The following AGMO variants were observed in gnomAD, a reference collection of about 807,000 sequenced individuals.
AGMO encodes alkylglycerol monooxygenase.
A neutral mutation model predicts 60.2 loss-of-function variants in AGMO; 75 were observed. That is an observed-to-expected ratio of 1.25 (90% CI 1.03 to 1.51). The LOEUF is 1.51. Among genes scored for constraint, AGMO ranks in the 40% most tolerant of loss-of-function variants. The pLI is 0.00. For missense variants in AGMO, 763 were observed against 525.5 expected (o/e 1.45, Z -4.42); for synonymous variants, 261 against 177.1 (o/e 1.47, Z -3.76).
intron 12 of AGMO, among the ~76,000 whole-genome samples, chr7:15,312,145 CA>C (rs903429050): frequency 7.7e-4 from 117 of 151,848 alleles, no homozygotes; most frequent in African/African-American, 2.8e-3. Context: ...GAAAGTCTAA[CA>C]AACATGTAAT....
At chr7:15,157,275 A>G in the AGMO span, among the ~76,000 whole-genome samples, 3 of 152,186 alleles carry the variant, frequency 2.0e-5, no homozygotes, top group East Asian at 5.8e-4. Flanking sequence ...GGAGGGTAAG[A>G]TACCTTCCCA....
the AGMO span, among the ~76,000 whole-genome samples, chr7:15,122,499 C>T: frequency 6.6e-6 from 1 of 152,096 alleles, no homozygotes; most frequent in African/African-American, 2.4e-5. Flanking sequence ...ATAAACATCT[C>T]TACCTGTTAT....
chr7:15,313,070 T>C (rs1266149686), intron 12 of AGMO, among the ~76,000 whole-genome samples: 3 of 152,310 alleles, frequency 2.0e-5, no homozygotes, highest in East Asian at 1.9e-4. Flanking sequence ...ATACAATACA[T>C]GGACATATCT....
intron 12 of AGMO, among the ~76,000 whole-genome samples, chr7:15,342,406 C>G (rs1335187963): frequency 1.3e-5 from 2 of 151,872 alleles, no homozygotes; most frequent in African/African-American, 4.8e-5. Flanking sequence ...TCTTCTCTAC[C>G]TAAGCAAAGT....
chr7:15,381,165 A>C (rs1360526071), intron 10 of AGMO, among the ~76,000 whole-genome samples: 3 of 152,168 alleles, frequency 2.0e-5, no homozygotes, highest in East Asian at 1.9e-4. Context: ...CAACAAAACC[A>C]AAAATTAACA....
intron 10 of AGMO, among the ~76,000 whole-genome samples, chr7:15,377,653 C>T (rs572347425): frequency 6.6e-6 from 1 of 152,110 alleles, no homozygotes; most frequent in South Asian, 2.1e-4. Flanking sequence ...GAACTGTACT[C>T]AACATTGGTT....
chr7:15,460,695 T>C (rs975522506), intron 3 of AGMO, among the ~76,000 whole-genome samples: 2 of 152,084 alleles, frequency 1.3e-5, no homozygotes, highest in African/African-American at 4.8e-5. Context: ...GATTTTAAAA[T>C]AAGGCATTAG....
the AGMO span, among the ~76,000 whole-genome samples, chr7:15,164,457 T>C: frequency 1.3e-5 from 2 of 151,770 alleles, no homozygotes; most frequent in African/African-American, 4.8e-5. Flanking sequence ...ATATAGACAA[T>C]CCACAGAATG....
intron 4 of AGMO, among the ~76,000 whole-genome samples, chr7:15,429,200 C>T (rs189009630): frequency 1.1e-4 from 17 of 152,140 alleles, no homozygotes; most frequent in Non-Finnish European, 2.4e-4. Flanking sequence ...AGTGCCTTCC[C>T]TACCCAAATT....
At position 15,406,636 on chromosome 7, in the gene AGMO, AAT is replaced by A. The variant is rs1362572007; in HGVS notation, c.609+11920_609+11921del. Among the ~76,000 whole-genome samples the A allele has an allele frequency of 8.9e-5, 5 of 56,366 alleles. 2 individuals are homozygous for A. Among genetic ancestry groups the A allele is most frequent in the Non-Finnish European group, 1.7e-4 (5 of 29,300 alleles). The allele number at this position is 56,366 out of a possible 152,430, so 37.0% of individuals were successfully genotyped here. A position where few individuals can be genotyped will look rare whatever the true frequency, so the allele number is the denominator to read the frequency against. ...ATGTACACATGTGTGTATATATATG[AAT>A]ATACATATATATGTGTATATATATG... On this transcript the variant is annotated intron_variant, in intron 5 of 12. Transcript: ENST00000342526.
At chr7:15,425,397 T>C (rs1781032292) in intron 4 of AGMO, among the ~76,000 whole-genome samples, 1 of 151,890 alleles carries the variant, frequency 6.6e-6, no homozygotes, top group Non-Finnish European at 1.5e-5. Context: ...TTTTCATAAT[T>C]TGATGTTATA....
intron 12 of AGMO, among the ~76,000 whole-genome samples, chr7:15,224,690 A>C (rs1007610057): frequency 2.0e-5 from 3 of 151,990 alleles, no homozygotes; most frequent in Admixed American, 1.3e-4. Flanking sequence ...ATGCTTGAAA[A>C]ATCTTTTGTA....
intron 3 of AGMO, among the ~76,000 whole-genome samples, chr7:15,536,399 C>A (rs1465158910): frequency 6.6e-6 from 1 of 151,908 alleles, no homozygotes; most frequent in Non-Finnish European, 1.5e-5. Flanking sequence ...TTACCAGCAT[C>A]ATCATTTCAG....
chr7:15,290,275 C>T (rs1784225237), intron 12 of AGMO, among the ~76,000 whole-genome samples: 2 of 152,102 alleles, frequency 1.3e-5, no homozygotes, highest in Admixed American at 1.3e-4. Flanking sequence ...GATCTGCCTG[C>T]CTCGGCCTCC....
At chr7:15,463,006 G>GT (rs1329852526) in intron 3 of AGMO, among the ~76,000 whole-genome samples, 1 of 152,136 alleles carries the variant, frequency 6.6e-6, no homozygotes, top group Non-Finnish European at 1.5e-5. Flanking sequence ...TGTGAATCAA[G>GT]TTAGCTGGAT....
intron 3 of AGMO, among the ~76,000 whole-genome samples, chr7:15,488,038 T>C (rs1782967169): frequency 1.3e-5 from 2 of 152,156 alleles, no homozygotes. Context: ...CTGTTTAGAA[T>C]GAGGCTCTGT....
chr7:15,496,550 CA>C (rs5882517), intron 3 of AGMO, among the ~76,000 whole-genome samples: 25 of 149,104 alleles, frequency 1.7e-4, no homozygotes, highest in Middle Eastern at 3.4e-3. Flanking sequence ...GCTGAGGAAT[CA>C]AAAAAAAAAT....
At chr7:15,246,894 A>G (rs984695027) in intron 12 of AGMO, among the ~76,000 whole-genome samples, 5 of 152,082 alleles carry the variant, frequency 3.3e-5, no homozygotes, top group Admixed American at 3.3e-4. Flanking sequence ...GGCACACTAG[A>G]AATCTATTTT....
At chr7:15,492,330 C>A (rs73679633) in intron 3 of AGMO, among the ~76,000 whole-genome samples, 4,091 of 148,562 alleles carry the variant, frequency 0.028, 185 homozygotes, top group African/African-American at 0.097. Flanking sequence ...GATTGCAAAC[C>A]CTTGCAAGTC....
Sources: allele counts gnomAD v4.1 joint callset (sites outside exome capture counted in the v4.1 genomes callset), GRCh38; gene constraint gnomAD v4.1.1; transcripts MANE v1.5; gene names NCBI Gene and HGNC (gene_info 2026-07-23, HGNC 2026-07-21).